The following IL17RB variants were observed in gnomAD, a reference collection of about 807,000 sequenced individuals.
IL17RB encodes the protein interleukin-17 receptor B.
In IL17RB, 36 loss-of-function variants were observed where a neutral mutation model predicts 43.9. That is an observed-to-expected ratio of 0.82 (90% confidence interval 0.63 to 1.08). IL17RB has a LOEUF of 1.08. Ranked by LOEUF, IL17RB falls within the 50% of genes least tolerant of loss-of-function variation. The pLI, the probability that IL17RB is intolerant of heterozygous loss-of-function variation, is 0.00. For synonymous variants in IL17RB, 225 were observed against 225.4 expected, an observed-to-expected ratio of 1.00 and a Z score of 0.02; for missense variants, 613 against 613.6, an observed-to-expected ratio of 1.00 and a Z score of 0.01.
In IL17RB at chr3:53,860,110, A is replaced by C; in HGVS notation, c.848-20A>C. 1 of 1,583,650 alleles carries C rather than the reference A, an allele frequency of 6.3e-7. No individual in the cohort carries two copies. Among genetic ancestry groups the C allele is most frequent in the Non-Finnish European group, 8.7e-7 (1 of 1,153,296 alleles). ...GTGTGGATTTGTTTTCCAAAGGTGA[A>C]TAAGCTTTGTTTTTTCCAGACAAAA... On this transcript the variant is annotated intron_variant, in intron 9 of 10. Transcript: ENST00000288167.
At chr3:53,859,512 G>C (rs1299535616) in intron 9 of IL17RB, 1 of 152,486 alleles carries the variant, frequency 6.6e-6, no homozygotes, top group Non-Finnish European at 1.5e-5. Context: ...CTTACCTGAT[G>C]TTCTTGTGAG....
At chr3:53,846,674 C>A in intron 1 of IL17RB, 26 bp downstream of exon 1, 1 of 1,575,324 alleles carries the variant, frequency 6.3e-7, no homozygotes, top group Non-Finnish European at 8.6e-7. Flanking sequence ...CACCTCTTCC[C>A]TCATCTCCCG....
At chr3:53,858,242 A>G (rs1699419534) in intron 8 of IL17RB, 1 of 566,074 alleles carries the variant, frequency 1.8e-6, no homozygotes, top group Non-Finnish European at 2.3e-6. Flanking sequence ...TCCATGCTTC[A>G]TTCCCTGGCA....
chr3:53,846,648 G>A lies in IL17RB; in HGVS notation c.60G>A (p.Pro20=). Residue 20 remains proline, a splice_region_variant and synonymous_variant, in exon 1 of 11, where the codon CCG becomes CCA. Transcript: ENST00000288167. ...ALCRSAVPRE[P]TVQCGSETGP... ...GCAGGAGCGCCGTACCCCGAGAGCC[G>A]GTAAGCCCCCGCCAGCACCTCTTCC... 1 of 1,590,436 alleles carries A rather than the reference G, an allele frequency of 6.3e-7. No individual in the cohort carries two copies. The highest frequency in any genetic ancestry group is 2.3e-5 in the East Asian group (1 of 42,828).
At chr3:53,848,240 A>T (rs563004643) in intron 1 of IL17RB, among the ~76,000 whole-genome samples, 13 of 152,346 alleles carry the variant, frequency 8.5e-5, no homozygotes, top group African/African-American at 2.9e-4. Context: ...TCTTTTGTTT[A>T]TCTCCTTAGC....
At chr3:53,846,923 G>C (rs1698928026) in intron 1 of IL17RB, among the ~76,000 whole-genome samples, 1 of 152,200 alleles carries the variant, frequency 6.6e-6, no homozygotes, top group South Asian at 2.1e-4. Context: ...GTAAAACGAA[G>C]GGCAGTACCG....
At chr3:53,861,769 A>G (rs1319714266) in intron 10 of IL17RB, among the ~76,000 whole-genome samples, 2 of 152,238 alleles carry the variant, frequency 1.3e-5, no homozygotes, top group Admixed American at 6.5e-5. Context: ...CCCGGATGCC[A>G]TTAAGAAAAT....
intron 1 of IL17RB, among the ~76,000 whole-genome samples, chr3:53,848,431 T>C (rs1326454802): frequency 6.6e-6 from 1 of 152,272 alleles, no homozygotes; most frequent in Admixed American, 6.5e-5. Flanking sequence ...AGTGAGGTTA[T>C]GCACTGGCTT....
At position 53,848,677 on chromosome 3, in the gene IL17RB, G is replaced by T. The variant is rs747457050; in HGVS notation, c.74G>T (p.Gly25Val). ...AVPREPTVQC[G>V]SETGPSPEWM... The stretch of plus-strand genomic sequence containing the variant: ...TCTCTCCCACAGACCGTTCAATGTG[G>T]CTCTGAAACTGGTAGGTGCATTAGA... The change falls in exon 2 of 11, where the codon GGC becomes GTC. Residue 25 changes from glycine (G) to valine (V), a missense_variant. Transcript: ENST00000288167. 3 of 1,614,170 alleles carry T rather than the reference G, an allele frequency of 1.9e-6. No individual in the cohort carries two copies. Among genetic ancestry groups the T allele is most frequent in the Middle Eastern group, 1.6e-4 (1 of 6,062 alleles).
intron 9 of IL17RB, chr3:53,859,925 G>A (rs1699495873): frequency 2.2e-6 from 1 of 456,658 alleles, no homozygotes; most frequent in Non-Finnish European, 3.9e-6. Flanking sequence ...AGGCAGCATT[G>A]CTTGAACCCG....
chr3:53,846,631 G>A lies in IL17RB; in HGVS notation c.43G>A (p.Ala15Thr), dbSNP rs1338687690. The A allele has an allele frequency of 1.6e-5, 25 of 1,591,794 alleles. No individual in the cohort carries two copies. Among genetic ancestry groups the A allele is most frequent in the Non-Finnish European group, 2.1e-5 (25 of 1,172,410 alleles). Residue 15 changes from alanine to threonine, a missense_variant, in exon 1 of 11, where the codon GCC becomes ACC. Physicochemically the swap from Ala to Thr is moderately conservative, Grantham distance 58. Coordinates refer to ENST00000288167, the MANE Select transcript of IL17RB (RefSeq NM_018725.4). Reference sequence around the variant, plus strand: ...AAGCCTGGCCGCGCTGTGCAGGAGCGCCGTACCCCGAGAGCCGGTAAGCCC... The same window carrying A: ...AAGCCTGGCCGCGCTGTGCAGGAGCACCGTACCCCGAGAGCCGGTAAGCCC... ...LLSLAALCRS[A>T]VPREPTVQCG...
At chr3:53,849,333 G>C (rs1377215777) in intron 2 of IL17RB, among the ~76,000 whole-genome samples, 3 of 152,142 alleles carry the variant, frequency 2.0e-5, no homozygotes, top group Non-Finnish European at 4.4e-5. Flanking sequence ...AAAATTATCT[G>C]GGCTATAAAT....
intron 5 of IL17RB, 79 bp from the exon 6 acceptor site, chr3:53,855,215 T>C: frequency 1.2e-6 from 1 of 854,366 alleles, no homozygotes. Flanking sequence ...GGTATGCGTA[T>C]GTGTGTGTGC....
chr3:53,864,926 T>C lies in IL17RB; in HGVS notation c.1127T>C (p.Met376Thr), dbSNP rs377005084. ...EKWQKKKIAE[M>T]GPVQWLATQK... is the part of the protein sequence containing the mutation. ...TGGCAGAAAAAGAAAATAGCAGAGATGGGTCCAGTGCAGTGGCTTGCCACT... is the reference window on the plus strand; with the variant it reads ...TGGCAGAAAAAGAAAATAGCAGAGACGGGTCCAGTGCAGTGGCTTGCCACT... Residue 376 changes from methionine to threonine, a missense_variant, in exon 11 of 11, where the codon ATG becomes ACG. Physicochemically the swap from Met to Thr is moderately conservative, Grantham distance 81. Coordinates refer to ENST00000288167, the MANE Select transcript of IL17RB (RefSeq NM_018725.4). 19 of 1,614,036 alleles carry C rather than the reference T, an allele frequency of 1.2e-5. No homozygotes were observed. The African/African-American group carries it at 1.9e-4, about 16-fold the overall frequency.
chr3:53,850,817 AAATAAAAT>A (rs1699114165), intron 3 of IL17RB, among the ~76,000 whole-genome samples: 1 of 152,038 alleles, frequency 6.6e-6, no homozygotes, highest in Admixed American at 6.6e-5. Context: ...AAATAAAATA[AAATAAAAT>A]AAAAGTCAGG....
At chr3:53,863,825 T>A (rs1576851083) in intron 10 of IL17RB, among the ~76,000 whole-genome samples, 1 of 58,386 alleles carries the variant, frequency 1.7e-5, no homozygotes. Flanking sequence ...CAAAGTATTT[T>A]TTTTTTTTTT....
intron 8 of IL17RB, 84 bp from the exon 9 acceptor site, chr3:53,858,635 G>A: frequency 4.5e-6 from 7 of 1,553,124 alleles, no homozygotes; most frequent in Non-Finnish European, 6.1e-6. Flanking sequence ...AGAAAGAAGG[G>A]AAGTTTTGGC....
rs143127953 is a variant in IL17RB, at chr3:53,860,324, C to T, written c.946+96C>T. On this transcript the variant is annotated intron_variant, in intron 10 of 10. Coordinates refer to ENST00000288167, the MANE Select transcript of IL17RB (RefSeq NM_018725.4). ...TCCTCTGGAGGCAATCACATGTTGG[C>T]GTTTCCCAGAGTTAGATAGCATTTA... 1.2e-5 allele frequency: 12 copies of T among 961,056 alleles called. No homozygotes were observed. The Admixed American group carries it at 1.3e-4, about 10-fold the overall frequency. The allele number at this position is 961,056 out of a possible 1,614,324, so 59.5% of individuals were successfully genotyped here.
Position 53,864,935 on chromosome 3 carries a change from T to G in IL17RB, c.1136T>G (p.Val379Gly). ...AAGAAAATAGCAGAGATGGGTCCAG[T>G]GCAGTGGCTTGCCACTCAAAAGAAG... ...QKKKIAEMGP[V>G]QWLATQKKAA... The change falls in exon 11 of 11, where the codon GTG (valine) becomes GGG (glycine). Residue 379 changes from valine (V) to glycine (G), a missense_variant. Val to Gly is a moderately radical substitution (Grantham distance 109). Coordinates refer to ENST00000288167, the MANE Select transcript of IL17RB (RefSeq NM_018725.4). 1.2e-6 allele frequency: 2 copies of G among 1,614,234 alleles called. No homozygotes were observed. The highest frequency in any genetic ancestry group is 1.7e-6 in the Non-Finnish European group (2 of 1,180,026).
Sources: allele counts gnomAD v4.1 joint callset (sites outside exome capture counted in the v4.1 genomes callset), GRCh38; gene constraint gnomAD v4.1.1; transcripts MANE v1.5; gene names NCBI Gene and HGNC (gene_info 2026-07-23, HGNC 2026-07-21).